The following LRRC74B variants were observed in gnomAD, a reference collection of about 807,000 sequenced individuals.
LRRC74B encodes the protein leucine rich repeat containing 74B.
LRRC74B carries 30 observed loss-of-function variants against 16.6 expected under a neutral mutation model. The observed-to-expected ratio is 1.80, with a 90% CI of 1.35 to 2.45. The LOEUF (loss-of-function observed/expected upper bound fraction) is 2.45. LRRC74B is among the 30% of genes most tolerant of loss of function. The pLI is 0.00. For synonymous variants in LRRC74B, 134 were observed against 86.0 expected (o/e 1.56, Z -3.09); for missense variants, 326 against 202.4 (o/e 1.61, Z -3.71).
intron 8 of LRRC74B, among the ~76,000 whole-genome samples, chr22:21,059,524 G>A (rs866760572): frequency 7.2e-5 from 11 of 152,180 alleles, no homozygotes; most frequent in South Asian, 2.1e-4. Context: ...CCATGCCAAT[G>A]CATTCCAGCC....
chr22:21,060,771 C>T (rs540308166), downstream of LRRC74B, among the ~76,000 whole-genome samples: 12 of 152,330 alleles, frequency 7.9e-5, no homozygotes, highest in East Asian at 3.9e-4. Context: ...AAGTACTGCA[C>T]ATTGAACTGG....
At chr22:21,063,807 T>C (rs1930919874), downstream of LRRC74B, 1 of 152,214 alleles carries the variant, frequency 6.6e-6, no homozygotes, top group Admixed American at 6.6e-5. Context: ...AAACCCTATC[T>C]TTTCTAAAAA....
intron 1 of LRRC74B, among the ~76,000 whole-genome samples, chr22:21,046,569 G>A (rs1206699353): frequency 6.6e-6 from 1 of 152,094 alleles, no homozygotes; most frequent in Non-Finnish European, 1.5e-5. Context: ...GGCCAGCCAT[G>A]ACTTCTACTA....
rs112526130 is a variant in LRRC74B at position 21,057,131 on chromosome 22, A to G, written c.954A>G (p.Glu318=). Residue 318 remains glutamate, a synonymous_variant, in exon 8 of 9, where the codon GAA becomes GAG. Transcript: ENST00000442047. The stretch of plus-strand genomic sequence containing the variant: ...TGTCCAGGAATCCCATGCGAAGTGA[A>G]GGCTGCTTTGGTCTCCTCAAGTCTG... The G allele has an allele frequency of 3.1e-3, 2,219 of 717,426 alleles. 29 individuals carry two copies. The highest frequency in any genetic ancestry group is 0.024 in the African/African-American group (1,395 of 57,348). 44.4% of individuals were successfully genotyped at this position (717,426 alleles called of 1,614,324 possible). A position where few individuals can be genotyped will look rare whatever the true frequency, so the allele number is the denominator to read the frequency against.
At chr22:21,051,173 C>G (rs185509791) in intron 4 of LRRC74B, among the ~76,000 whole-genome samples, 46 of 152,124 alleles carry the variant, frequency 3.0e-4, no homozygotes, top group African/African-American at 1.1e-3. Context: ...AAAATACTTT[C>G]TTTCCTCTTT....
chr22:21,047,418 A>G (rs1929547940), exon 2 of LRRC74B: 5 of 717,490 alleles, frequency 7.0e-6, no homozygotes, highest in Middle Eastern at 4.6e-4. Flanking sequence ...CCGGGCCCAT[A>G]GTGTTGTGCC....
In LRRC74B at chr22:21,047,506, T is replaced by C. The variant is rs1434549220; in HGVS notation, c.282+8T>C. ...CGTGGCCTGGGGCCCCAGGTACCACTGGAGGGACACTGTATCCAGGCTTAC... is the reference window on the plus strand; with the variant it reads ...CGTGGCCTGGGGCCCCAGGTACCACCGGAGGGACACTGTATCCAGGCTTAC... On this transcript the variant is annotated splice_region_variant and intron_variant, in intron 2 of 8. Transcript: ENST00000442047. The C allele has an allele frequency of 1.4e-6, 1 of 717,224 alleles. No homozygotes were observed. Among genetic ancestry groups the C allele is most frequent in the South Asian group, 1.5e-5 (1 of 67,558 alleles). The allele number at this position is 717,224 out of a possible 1,614,324, so 44.4% of individuals were successfully genotyped here. A position where few individuals can be genotyped will look rare whatever the true frequency, so the allele number is the denominator to read the frequency against.
In LRRC74B at chr22:21,055,183, G is replaced by A. The variant is rs1601819527; in HGVS notation, c.927+7G>A. 7.0e-6 allele frequency: 5 copies of A among 714,796 alleles called. No homozygotes were observed. In the East Asian group the frequency reaches 1.3e-4, roughly 19 times the overall value. 44.3% of individuals were successfully genotyped at this position (714,796 alleles called of 1,614,324 possible). On this transcript the variant is annotated splice_region_variant and intron_variant, in intron 7 of 8. Coordinates refer to ENST00000442047, the Ensembl canonical transcript of LRRC74B. ...GACGCTGAGGATTCTTGTAGTGAGT[G>A]CTAGCCTGATGACTGAGACACCAGC...
intron 8 of LRRC74B, among the ~76,000 whole-genome samples, chr22:21,058,375 C>T (rs537156035): frequency 6.4e-4 from 98 of 152,074 alleles, no homozygotes; most frequent in African/African-American, 2.3e-3. Context: ...ATTAGCCAGG[C>T]ATGTGGCACA....
At chr22:21,046,856 C>A (rs1929485012) in intron 1 of LRRC74B, among the ~76,000 whole-genome samples, 1 of 151,946 alleles carries the variant, frequency 6.6e-6, no homozygotes, top group Non-Finnish European at 1.5e-5. Flanking sequence ...CTTTGGGAGG[C>A]CCAGGCAGGC....
downstream of LRRC74B, among the ~76,000 whole-genome samples, chr22:21,061,423 A>T (rs1463288698): frequency 6.6e-6 from 1 of 152,272 alleles, no homozygotes; most frequent in East Asian, 1.9e-4. Flanking sequence ...GTTAAATGTT[A>T]AAAGCCACAT....
At chr22:21,053,240 C>T in intron 5 of LRRC74B, 120 bp from the exon 6 acceptor site, 2 of 613,470 alleles carry the variant, frequency 3.3e-6, no homozygotes, top group Non-Finnish European at 5.9e-6. Context: ...TGGAGCCTCT[C>T]CCCTTCTGCC....
intron 7 of LRRC74B, chr22:21,056,690 G>T: frequency 5.2e-6 from 1 of 194,008 alleles, no homozygotes; most frequent in Non-Finnish European, 1.0e-5. Context: ...TCTTGCTGAA[G>T]TGTCCAGCTC....
downstream of LRRC74B, chr22:21,063,601 A>T (rs1930912409): frequency 6.6e-6 from 1 of 151,718 alleles, no homozygotes; most frequent in Non-Finnish European, 1.5e-5. Flanking sequence ...CTGAGTCAGG[A>T]GGTTGAGGCT....
At chr22:21,050,368 C>T (rs1929914324) in intron 4 of LRRC74B, among the ~76,000 whole-genome samples, 3 of 151,900 alleles carry the variant, frequency 2.0e-5, no homozygotes, top group Non-Finnish European at 2.9e-5. Context: ...CCTCTGTCTC[C>T]AGCTGCTTAG....
chr22:21,054,730 G>A (rs1039664013), intron 6 of LRRC74B, among the ~76,000 whole-genome samples: 2 of 152,232 alleles, frequency 1.3e-5, no homozygotes, highest in African/African-American at 4.8e-5. Context: ...GTTTGGGAAC[G>A]GCAGGAGGAG....
chr22:21,049,625 A>C (rs1293876582), intron 4 of LRRC74B, among the ~76,000 whole-genome samples: 1 of 151,508 alleles, frequency 6.6e-6, no homozygotes, highest in African/African-American at 2.4e-5. Context: ...AGAGCATTGC[A>C]AGCAGAGGAA....
chr22:21,047,471 C>G (rs758829588), exon 2 of LRRC74B: 1 of 717,524 alleles, frequency 1.4e-6, no homozygotes, highest in East Asian at 2.7e-5. Flanking sequence ...AAGAGCTGAA[C>G]CTCCGGCACC....
chr22:21,053,124 A>C (rs1930200968), intron 5 of LRRC74B, among the ~76,000 whole-genome samples: 1 of 152,036 alleles, frequency 6.6e-6, no homozygotes. Context: ...ATTCACGTCT[A>C]CACCGGTCCT....
Sources: gnomAD v4.1 joint callset for allele counts (sites outside exome capture counted in the v4.1 genomes callset) on GRCh38, gnomAD v4.1.1 for gene constraint, MANE v1.5 for transcripts, NCBI Gene and HGNC (gene_info 2026-07-23, HGNC 2026-07-21) for gene names.